The following ESRRG variants were observed in gnomAD, a reference collection of about 807,000 sequenced individuals.
ESRRG encodes the protein estrogen related receptor gamma.
ESRRG carries 13 observed loss-of-function variants against 44.0 expected under a neutral mutation model. That is an observed-to-expected ratio of 0.30 (90% CI 0.19 to 0.47). The LOEUF (loss-of-function observed/expected upper bound fraction) is 0.47. ESRRG is among the 20% of genes least tolerant of loss of function. ESRRG has a pLI of 1.00. For synonymous variants in ESRRG, 215 were observed against 214.6 expected, an observed-to-expected ratio of 1.00 and a Z score of -0.02; for missense variants, 395 against 580.6, an observed-to-expected ratio of 0.68 and a Z score of 3.29.
chr1:216,808,475 G>A (rs2094867588), intron 2 of ESRRG, among the ~76,000 whole-genome samples: 1 of 152,118 alleles, frequency 6.6e-6, no homozygotes, highest in Non-Finnish European at 1.5e-5. Context: ...CATCCAGGCT[G>A]CAGTACAGTG....
chr1:216,560,828 C>T (rs569735598), intron 5 of ESRRG, among the ~76,000 whole-genome samples: 27 of 152,248 alleles, frequency 1.8e-4, no homozygotes, highest in Admixed American at 1.6e-3. Context: ...TGCGCTTATC[C>T]GAGCGCGGAC....
intron 1 of ESRRG, among the ~76,000 whole-genome samples, chr1:217,001,542 T>C (rs921244243): frequency 6.6e-6 from 1 of 152,204 alleles, no homozygotes; most frequent in African/African-American, 2.4e-5. Flanking sequence ...AATGTAACAC[T>C]TGAGAAAAGA....
intron 3 of ESRRG, among the ~76,000 whole-genome samples, chr1:216,578,769 A>G (rs551478943): frequency 6.6e-6 from 1 of 152,234 alleles, no homozygotes; most frequent in African/African-American, 2.4e-5. Context: ...AGAAATTCAG[A>G]AATTGAAAAG....
At chr1:216,879,484 C>CAAAAAAAA (rs755104959) in intron 2 of ESRRG, among the ~76,000 whole-genome samples, 4 of 89,422 alleles carry the variant, frequency 4.5e-5, no homozygotes, top group South Asian at 4.4e-4. Flanking sequence ...AAAAGGCCAC[C>CAAAAAAAA]AAAAAAAAAA....
intron 3 of ESRRG, among the ~76,000 whole-genome samples, chr1:216,626,326 G>T (rs2063180866): frequency 6.6e-6 from 1 of 151,992 alleles, no homozygotes; most frequent in Non-Finnish European, 1.5e-5. Context: ...AGCAAACCCA[G>T]GATTCTGTCC....
intron 1 of ESRRG, among the ~76,000 whole-genome samples, chr1:217,106,240 T>C (rs548421361): frequency 2.6e-5 from 4 of 152,286 alleles, no homozygotes; most frequent in African/African-American, 9.6e-5. Context: ...AAATTCTCAA[T>C]ACATAATCCA....
intron 2 of ESRRG, among the ~76,000 whole-genome samples, chr1:216,759,810 G>T (rs1449450507): frequency 1.3e-5 from 2 of 152,044 alleles, no homozygotes; most frequent in African/African-American, 4.8e-5. Context: ...ATATCTCTCT[G>T]CTCTGGCTTT....
At chr1:216,626,034 A>G (rs1038946085) in intron 3 of ESRRG, among the ~76,000 whole-genome samples, 10 of 152,204 alleles carry the variant, frequency 6.6e-5, no homozygotes, top group African/African-American at 2.4e-4. Context: ...CTTCTACTTC[A>G]TGACATCCCA....
chr1:217,118,759 A>G (rs916742888), intron 1 of ESRRG, among the ~76,000 whole-genome samples: 1 of 152,142 alleles, frequency 6.6e-6, no homozygotes, highest in Non-Finnish European at 1.5e-5. Context: ...TGAGAGGCCA[A>G]GGCCGGAGGA....
At chr1:216,791,193 G>A (rs2094308123) in intron 2 of ESRRG, among the ~76,000 whole-genome samples, 1 of 152,120 alleles carries the variant, frequency 6.6e-6, no homozygotes, top group Non-Finnish European at 1.5e-5. Context: ...GAGATGTTTG[G>A]ATCATGGGGG....
At chr1:217,135,292 C>T (rs900654865) in intron 1 of ESRRG, among the ~76,000 whole-genome samples, 10 of 152,026 alleles carry the variant, frequency 6.6e-5, no homozygotes, top group African/African-American at 2.4e-4. Flanking sequence ...TTATGAAACA[C>T]ACACGCCCAC....
intron 1 of ESRRG, among the ~76,000 whole-genome samples, chr1:216,689,975 G>A (rs927384894): frequency 3.3e-5 from 5 of 151,978 alleles, no homozygotes; most frequent in African/African-American, 9.7e-5. Flanking sequence ...AACAATAAAT[G>A]CTGAGGAAGA....
chr1:216,674,116 T>C (rs1272250033), intron 2 of ESRRG, among the ~76,000 whole-genome samples: 1 of 152,336 alleles, frequency 6.6e-6, no homozygotes. Context: ...TTGAATTGTA[T>C]ATACTTTGTA....
At chr1:216,545,416 T>C (rs1489429858) in intron 5 of ESRRG, among the ~76,000 whole-genome samples, 1 of 151,906 alleles carries the variant, frequency 6.6e-6, no homozygotes, top group Non-Finnish European at 1.5e-5. Context: ...GCTTGTAACA[T>C]ACCCACCCCA....
chr1:216,918,135 A>G (rs535709691), intron 2 of ESRRG, among the ~76,000 whole-genome samples: 4 of 152,344 alleles, frequency 2.6e-5, no homozygotes, highest in African/African-American at 9.6e-5. Context: ...TTTAAAATCT[A>G]CAAAGGCATT....
Position 216,707,494 on chromosome 1 carries a change from G to C in ESRRG, c.56+15750C>G, listed in dbSNP as rs536705121. On this transcript the variant is annotated intron_variant, in intron 1 of 6. Transcript: ENST00000408911. ...GGGAACTTTACATCAGTTCTAAAAA[G>C]CCAAAACCAGAAAGTTAGGGTGAAA... is the stretch of plus-strand genomic sequence containing the variant. 14 of 1,526,308 alleles carry C rather than the reference G, an allele frequency of 9.2e-6. No individual in the cohort carries two copies. The African/African-American group carries it at 1.6e-4, about 18-fold the overall frequency. 94.5% of individuals were successfully genotyped at this position (1,526,308 alleles called of 1,614,324 possible).
chr1:216,965,202 C>A (rs2070033786), intron 1 of ESRRG, among the ~76,000 whole-genome samples: 2 of 151,322 alleles, frequency 1.3e-5, no homozygotes, highest in Non-Finnish European at 2.9e-5. Context: ...TGTCAAGAGT[C>A]AATCTCTTAA....
At chr1:216,650,475 T>C (rs369437706) in intron 3 of ESRRG, among the ~76,000 whole-genome samples, 2 of 152,176 alleles carry the variant, frequency 1.3e-5, no homozygotes, top group East Asian at 3.9e-4. Flanking sequence ...ATGTTTGTTG[T>C]TGTTATCCCC....
intron 1 of ESRRG, among the ~76,000 whole-genome samples, chr1:217,133,639 CTCTCTCTCTTTCTT>C (rs755326350): frequency 0.015 from 1,397 of 91,162 alleles, 26 homozygotes; most frequent in African/African-American, 0.042. Context: ...CTTTCTCTCT[CTCTCTCTCTTTCTT>C]TCTTTCTTTC....
Sources: allele counts gnomAD v4.1 joint callset (sites outside exome capture counted in the v4.1 genomes callset), GRCh38; gene constraint gnomAD v4.1.1; transcripts MANE v1.5; gene names NCBI Gene and HGNC (gene_info 2026-07-23, HGNC 2026-07-21).